The following CADPS2 variants were observed in gnomAD, a reference collection of about 807,000 sequenced individuals.
CADPS2 encodes calcium dependent secretion activator 2.
CADPS2 carries 93 observed loss-of-function variants against 172.5 expected under a neutral mutation model. That is an observed-to-expected ratio of 0.54 (90% confidence interval 0.46 to 0.64). CADPS2 has a LOEUF of 0.64. CADPS2 is among the 30% of genes least tolerant of loss of function. CADPS2 has a pLI of 0.00. For missense variants in CADPS2, 1,420 were observed against 1,565.9 expected (o/e 0.91, Z 1.57); for synonymous variants, 546 against 555.2 (o/e 0.98, Z 0.23).
chr7:122,540,213 A>T (rs917854587), intron 8 of CADPS2, among the ~76,000 whole-genome samples: 2 of 152,116 alleles, frequency 1.3e-5, no homozygotes, highest in Admixed American at 6.6e-5. Flanking sequence ...TTACAAAAGA[A>T]GATTTTCCCT....
At chr7:122,469,360 T>C (rs952891672) in intron 14 of CADPS2, among the ~76,000 whole-genome samples, 1 of 152,184 alleles carries the variant, frequency 6.6e-6, no homozygotes, top group Non-Finnish European at 1.5e-5. Context: ...AACCTTCTCA[T>C]CCTCTTGCAT....
At chr7:122,677,642 A>AAACAAC (rs747639108) in intron 2 of CADPS2, among the ~76,000 whole-genome samples, 1 of 152,236 alleles carries the variant, frequency 6.6e-6, no homozygotes, top group African/African-American at 2.4e-5. Context: ...TCTTAAAGGT[A>AAACAAC]AACAACAACA....
intron 1 of CADPS2, among the ~76,000 whole-genome samples, chr7:122,781,883 T>C (rs775527688): frequency 3.9e-5 from 6 of 152,168 alleles, no homozygotes; most frequent in Non-Finnish European, 7.4e-5. Flanking sequence ...CGGTGAAATA[T>C]GAAATAAAAA....
intron 2 of CADPS2, among the ~76,000 whole-genome samples, chr7:122,725,487 G>T (rs1354681885): frequency 6.6e-6 from 1 of 151,596 alleles, no homozygotes; most frequent in East Asian, 1.9e-4. Context: ...GGCTTTTAGT[G>T]TACCCATCAC....
intron 7 of CADPS2, among the ~76,000 whole-genome samples, chr7:122,575,033 G>A (rs143891926): frequency 2.0e-5 from 3 of 152,050 alleles, no homozygotes; most frequent in Non-Finnish European, 4.4e-5. Flanking sequence ...CATTATGTAG[G>A]TGGATGCTTG....
intron 19 of CADPS2, among the ~76,000 whole-genome samples, chr7:122,413,546 G>A (rs2047552113): frequency 6.6e-6 from 1 of 152,182 alleles, no homozygotes; most frequent in African/African-American, 2.4e-5. Flanking sequence ...AATAAAAGGA[G>A]CTGACATGCG....
chr7:122,351,171 C>G (rs1327594763), intron 27 of CADPS2, among the ~76,000 whole-genome samples: 1 of 151,380 alleles, frequency 6.6e-6, no homozygotes, highest in Non-Finnish European at 1.5e-5. Flanking sequence ...AAGAGACCAT[C>G]CTGGCTAACA....
intron 1 of CADPS2, among the ~76,000 whole-genome samples, chr7:122,835,803 T>C (rs561434887): frequency 7.2e-5 from 11 of 152,194 alleles, no homozygotes; most frequent in Non-Finnish European, 1.5e-4. Context: ...CTATGTCTGA[T>C]TGGTGCACCT....
At chr7:122,690,951 A>G (rs930924704) in intron 2 of CADPS2, among the ~76,000 whole-genome samples, 2 of 152,218 alleles carry the variant, frequency 1.3e-5, no homozygotes, top group Middle Eastern at 3.4e-3. Context: ...GGGGGATACC[A>G]TTCCTTATAG....
At chr7:122,343,345 T>C (rs75461149) in intron 28 of CADPS2, among the ~76,000 whole-genome samples, 30 of 152,316 alleles carry the variant, frequency 2.0e-4, no homozygotes, top group Non-Finnish European at 3.8e-4. Flanking sequence ...TTTAGACCCA[T>C]AGCCATGTCA....
intron 4 of CADPS2, among the ~76,000 whole-genome samples, chr7:122,623,882 CAT>C (rs1267815154): frequency 6.6e-6 from 1 of 152,164 alleles, no homozygotes. Flanking sequence ...AAATTTTCAA[CAT>C]GTTATGGAAA....
chr7:122,418,886 A>T (rs1292700242), intron 17 of CADPS2, among the ~76,000 whole-genome samples: 4 of 152,364 alleles, frequency 2.6e-5, no homozygotes, highest in East Asian at 1.9e-4. Flanking sequence ...AACTAAAAAA[A>T]ATTGTGCATT....
chr7:122,368,953 G>T (rs1191091859), intron 25 of CADPS2, among the ~76,000 whole-genome samples: 1 of 152,108 alleles, frequency 6.6e-6, no homozygotes, highest in African/African-American at 2.4e-5. Context: ...ATAAGAAAAT[G>T]GGACTAGAAT....
At chr7:122,696,510 GTCAT>G (rs1564089471) in intron 2 of CADPS2, among the ~76,000 whole-genome samples, 65 of 152,180 alleles carry the variant, frequency 4.3e-4, no homozygotes, top group African/African-American at 1.5e-3. Context: ...TGACCCCATG[GTCAT>G]GGAAGCAGTT....
intron 1 of CADPS2, among the ~76,000 whole-genome samples, chr7:122,780,314 T>G (rs1328285302): frequency 6.6e-6 from 1 of 152,164 alleles, no homozygotes; most frequent in Non-Finnish European, 1.5e-5. Flanking sequence ...TCTCTGCAAC[T>G]GCTAACAACT....
rs1264602287 is a variant in CADPS2, at chr7:122,799,559, G to A, written c.340-62491C>T. ...GTGGAGCTTGCAGTAAGCAGAGATC[G>A]CACCACTGCACTCCAGCCTGGGTGA... On this transcript the variant is annotated intron_variant, in intron 1 of 29. Transcript: ENST00000449022. 5.5e-5 allele frequency among the ~76,000 whole-genome samples: 8 copies of A among 145,030 alleles called. No individual in the cohort carries two copies. The East Asian group carries it at 6.1e-4, about 11-fold the overall frequency.
intron 8 of CADPS2, among the ~76,000 whole-genome samples, chr7:122,536,502 T>C (rs1045720553): frequency 5.3e-5 from 8 of 152,072 alleles, no homozygotes; most frequent in African/African-American, 1.9e-4. Context: ...TCTGTGAGGA[T>C]CAATAAGATG....
chr7:122,345,668 T>A lies in CADPS2; in HGVS notation c.3518A>T (p.Asp1173Val). ...KYVDVPKPGM[D>V]LADTYIMFVR... ...AAACATAATATAGGTGTCTGCCAGA[T>A]CCATTCCTGGTTTCTGTTGTGAAGG... is the stretch of plus-strand genomic sequence containing the variant. Residue 1173 changes from aspartate to valine, a missense_variant, in exon 28 of 30, where the codon GAT (aspartate) becomes GTT (valine). Transcript: ENST00000449022. 6.2e-7 allele frequency: 1 copy of A among 1,610,128 alleles called. No homozygotes were observed. Among genetic ancestry groups the A allele is most frequent in the Non-Finnish European group, 8.5e-7 (1 of 1,177,458 alleles).
intron 16 of CADPS2, chr7:122,440,266 G>A (rs1022527343): frequency 6.6e-6 from 1 of 152,112 alleles, no homozygotes; most frequent in African/African-American, 2.4e-5. Context: ...CTTCCCTACT[G>A]GGGGGCAGAA....
Sources: allele counts gnomAD v4.1 joint callset (sites outside exome capture counted in the v4.1 genomes callset), GRCh38; gene constraint gnomAD v4.1.1; transcripts MANE v1.5; gene names NCBI Gene and HGNC (gene_info 2026-07-23, HGNC 2026-07-21).